ADGRL2: variants seen among roughly 807,000 people sequenced by gnomAD.
ADGRL2 encodes the protein calcium-independent alpha-latrotoxin receptor 2.
A neutral mutation model predicts 157.4 loss-of-function variants in ADGRL2; 44 were observed. The observed-to-expected ratio is 0.28, with a 90% CI of 0.22 to 0.36. The LOEUF is 0.36. Ranked by LOEUF, ADGRL2 falls within the 10% of genes least tolerant of loss-of-function variation. The pLI, the probability that ADGRL2 is intolerant of heterozygous loss-of-function variation, is 1.00. For synonymous variants in ADGRL2, 585 were observed against 624.7 expected (o/e 0.94, Z 0.95); for missense variants, 1,510 against 1,768.9 (o/e 0.85, Z 2.63).
intron 2 of ADGRL2, among the ~76,000 whole-genome samples, chr1:81,874,620 TTGTCTTGTCTTGTCTTGTCC>T (rs71085378): frequency 0.099 from 11,352 of 114,668 alleles, 515 homozygotes; most frequent in South Asian, 0.22. Flanking sequence ...TTGTCTTGTC[TTGTCTTGTCTTGTCTTGTCC>T]TGTCCTGTCC....
chr1:81,861,873 A>G (rs1209624626), intron 2 of ADGRL2, among the ~76,000 whole-genome samples: 1 of 151,618 alleles, frequency 6.6e-6, no homozygotes, highest in Non-Finnish European at 1.5e-5. Flanking sequence ...ACAGAGCAAG[A>G]CTCCATCTCA....
intron 1 of ADGRL2, among the ~76,000 whole-genome samples, chr1:81,821,470 C>T (rs697991): frequency 0.99 from 151,064 of 152,100 alleles, 75,033 homozygotes; most frequent in Middle Eastern, 1. Context: ...GATAGTTTTT[C>T]TTTGGTGGAG....
intron 18 of ADGRL2, among the ~76,000 whole-genome samples, chr1:81,980,221 A>T (rs1030114392): frequency 1.3e-5 from 2 of 151,714 alleles, no homozygotes; most frequent in Admixed American, 1.3e-4. Flanking sequence ...ATTTCATTTG[A>T]ATTTAAAATG....
At chr1:81,953,093 C>T (rs1652367497) in intron 10 of ADGRL2, 68 bp downstream of exon 10, 1 of 1,271,032 alleles carries the variant, frequency 7.9e-7, no homozygotes, top group African/African-American at 1.5e-5. Flanking sequence ...TATCATCTTG[C>T]TGCATGATCC....
chr1:81,337,498 T>C (rs989293105), intron 1 of ADGRL2, among the ~76,000 whole-genome samples: 2 of 152,220 alleles, frequency 1.3e-5, no homozygotes, highest in African/African-American at 4.8e-5. Context: ...ATCCCCTTCA[T>C]GAAGACCGTG....
chr1:81,402,967 T>A (rs1440534854), intron 1 of ADGRL2, among the ~76,000 whole-genome samples: 1 of 152,202 alleles, frequency 6.6e-6, no homozygotes, highest in African/African-American at 2.4e-5. Flanking sequence ...AATTCTTACA[T>A]TCATGGAGCT....
chr1:81,465,332 A>T (rs185974899), intron 2 of ADGRL2, among the ~76,000 whole-genome samples: 31 of 152,306 alleles, frequency 2.0e-4, no homozygotes, highest in Non-Finnish European at 1.5e-5. Flanking sequence ...TATAAATTAG[A>T]TATCAGAAAT....
chr1:81,632,991 CT>C (rs1466056637), intron 3 of ADGRL2, among the ~76,000 whole-genome samples: 1 of 152,096 alleles, frequency 6.6e-6, no homozygotes, highest in East Asian at 1.9e-4. Flanking sequence ...TTTGTCTAGC[CT>C]TTTCAATTGC....
At chr1:81,405,631 C>CAAA (rs35052629) in intron 1 of ADGRL2, among the ~76,000 whole-genome samples, 69 of 119,252 alleles carry the variant, frequency 5.8e-4, no homozygotes, top group African/African-American at 1.5e-3. Flanking sequence ...GCCTGAATGA[C>CAAA]AAAAAAAAAA....
rs545965086 is a variant in ADGRL2, at chr1:81,397,982, A to G, written c.-301-47054A>G. On this transcript the variant is annotated intron_variant, in intron 1 of 24. Transcript: ENST00000370721. ...TTTAAGCTAATAACATTTGTTTTAT[A>G]TATCTGGTGCTTGGCTTCGGGGTGC... 2.0e-5 allele frequency among the ~76,000 whole-genome samples: 3 copies of G among 152,254 alleles called. No homozygotes were observed. The South Asian group carries it at 6.2e-4, about 32-fold the overall frequency.
At chr1:81,346,655 A>C (rs1662503349) in intron 1 of ADGRL2, among the ~76,000 whole-genome samples, 1 of 152,198 alleles carries the variant, frequency 6.6e-6, no homozygotes, top group South Asian at 2.1e-4. Flanking sequence ...ATGATGGCAC[A>C]ATGAGAAGAT....
At chr1:81,504,855 C>T (rs1404082015) in intron 2 of ADGRL2, among the ~76,000 whole-genome samples, 1 of 152,170 alleles carries the variant, frequency 6.6e-6, no homozygotes, top group African/African-American at 2.4e-5. Context: ...GGTTGAGCCG[C>T]CCCAGGGTAT....
intron 2 of ADGRL2, among the ~76,000 whole-genome samples, chr1:81,519,397 A>G (rs962754561): frequency 2.0e-5 from 3 of 152,186 alleles, no homozygotes; most frequent in Admixed American, 6.5e-5. Context: ...TTCCATTACT[A>G]TTGAATGACC....
At chr1:81,813,132 A>G (rs2090041792) in intron 1 of ADGRL2, among the ~76,000 whole-genome samples, 1 of 151,630 alleles carries the variant, frequency 6.6e-6, no homozygotes, top group Non-Finnish European at 1.5e-5. Context: ...TAATGATAGG[A>G]TATTATATTA....
At chr1:81,365,613 G>A (rs2076051383) in intron 1 of ADGRL2, among the ~76,000 whole-genome samples, 1 of 152,158 alleles carries the variant, frequency 6.6e-6, no homozygotes, top group African/African-American at 2.4e-5. Context: ...TCTCTTCACA[G>A]CACTGATTTA....
At chr1:81,396,054 A>G (rs2076649798) in intron 1 of ADGRL2, among the ~76,000 whole-genome samples, 1 of 152,060 alleles carries the variant, frequency 6.6e-6, no homozygotes, top group Non-Finnish European at 1.5e-5. Context: ...TTTTTTTCCT[A>G]TGCAATGTCA....
At chr1:81,443,649 T>C (rs1417114193) in intron 1 of ADGRL2, among the ~76,000 whole-genome samples, 5 of 152,146 alleles carry the variant, frequency 3.3e-5, no homozygotes, top group Admixed American at 2.0e-4. Flanking sequence ...TTTTGGAAAG[T>C]AAAATGAGCA....
At chr1:81,306,871 T>A (rs1012431686) in intron 1 of ADGRL2, among the ~76,000 whole-genome samples, 1 of 100,456 alleles carries the variant, frequency 1.0e-5, no homozygotes. Context: ...AATTCAACCG[T>A]AACAAATTTT....
chr1:81,819,000 G>C (rs989243605), intron 1 of ADGRL2, among the ~76,000 whole-genome samples: 2 of 152,122 alleles, frequency 1.3e-5, no homozygotes, highest in African/African-American at 4.8e-5. Context: ...AAACGGGTGT[G>C]TTAGTTTGGG....
Sources: gnomAD v4.1 joint callset for allele counts (sites outside exome capture counted in the v4.1 genomes callset) on GRCh38, gnomAD v4.1.1 for gene constraint, MANE v1.5 for transcripts, NCBI Gene and HGNC (gene_info 2026-07-23, HGNC 2026-07-21) for gene names.